Variants in SOX6 observed in about 807,000 individuals in gnomAD.
SOX6 encodes SRY-box transcription factor 6.
In SOX6, 11 loss-of-function variants were observed where a neutral mutation model predicts 97.8. That is an observed-to-expected ratio of 0.11 (90% CI 0.07 to 0.19). SOX6 has a LOEUF of 0.19. Ranked by LOEUF, SOX6 falls within the 10% of genes least tolerant of loss-of-function variation. SOX6 has a pLI of 1.00. For missense variants in SOX6, 810 were observed against 1,039.5 expected (o/e 0.78, Z 3.04); for synonymous variants, 360 against 371.4 (o/e 0.97, Z 0.35).
chr11:16,710,437 C>G lies in SOX6; in HGVS notation n.429+4393G>C, dbSNP rs7123995. On this transcript the variant is annotated intron_variant and non_coding_transcript_variant, in intron 3 of 5. Coordinates refer to the SOX6 transcript ENST00000524520. ...TAAGTGGACGAGCCAGAACTCAAAT[C>G]AAACATTGCCAAGTCCAATGGCCAT... Among the ~76,000 whole-genome samples the G allele has an allele frequency of 3.6e-3, 544 of 152,318 alleles. 4 individuals carry two copies. The highest frequency in any genetic ancestry group is 0.012 in the African/African-American group (514 of 41,568).
chr11:16,462,022 T>C (rs1859940770), intron 1 of SOX6, among the ~76,000 whole-genome samples: 1 of 152,224 alleles, frequency 6.6e-6, no homozygotes, highest in Admixed American at 6.5e-5. Context: ...CAGTAATTAG[T>C]ATATACTTGT....
chr11:16,336,787 A>C (rs1856474974), intron 2 of SOX6, among the ~76,000 whole-genome samples: 1 of 152,134 alleles, frequency 6.6e-6, no homozygotes, highest in Non-Finnish European at 1.5e-5. Context: ...CTGCCTCACC[A>C]GCCACTCTGT....
At chr11:16,363,844 TCA>T (rs1211795501) in intron 1 of SOX6, among the ~76,000 whole-genome samples, 1 of 151,762 alleles carries the variant, frequency 6.6e-6, no homozygotes, top group East Asian at 1.9e-4. Context: ...CTCTAGCCTC[TCA>T]CTTTTCAGAT....
intron 6 of SOX6, among the ~76,000 whole-genome samples, chr11:16,134,922 T>C (rs1250634482): frequency 2.0e-5 from 3 of 152,218 alleles, no homozygotes. Flanking sequence ...AGTCAATGCC[T>C]GGCTTCAACA....
chr11:16,498,887 T>G (rs1248016331), intron 4 of SOX6, among the ~76,000 whole-genome samples: 3 of 152,102 alleles, frequency 2.0e-5, no homozygotes, highest in Non-Finnish European at 4.4e-5. Context: ...ACTGTCAACA[T>G]TAGACAGATC....
At chr11:16,306,692 C>A (rs1263608086) in intron 3 of SOX6, among the ~76,000 whole-genome samples, 1 of 140,362 alleles carries the variant, frequency 7.1e-6, no homozygotes, top group African/African-American at 2.6e-5. Context: ...GTGGCACGAT[C>A]TTGGTTCACT....
intron 3 of SOX6, among the ~76,000 whole-genome samples, chr11:16,669,380 G>A (rs1239890416): frequency 6.6e-6 from 1 of 152,168 alleles, no homozygotes; most frequent in East Asian, 1.9e-4. Flanking sequence ...TGGAGCCAAG[G>A]GAACCTCCCC....
At chr11:16,345,509 G>A (rs1196133687) in intron 1 of SOX6, among the ~76,000 whole-genome samples, 4 of 151,908 alleles carry the variant, frequency 2.6e-5, no homozygotes, top group South Asian at 4.2e-4. Context: ...AAGTCAGTAC[G>A]AACACCTCTA....
At chr11:16,642,789 A>G (rs1408263225) in intron 3 of SOX6, among the ~76,000 whole-genome samples, 1 of 152,084 alleles carries the variant, frequency 6.6e-6, no homozygotes, top group Non-Finnish European at 1.5e-5. Flanking sequence ...GCTTCTCTAC[A>G]TTGGTTATTC....
intron 4 of SOX6, 36 bp from the exon 5 acceptor site, chr11:16,186,991 A>C (rs1228226796): frequency 6.2e-7 from 1 of 1,611,976 alleles, no homozygotes; most frequent in African/African-American, 1.3e-5. Flanking sequence ...CACAAGCTTG[A>C]GAAATACCTG....
At chr11:15,974,172 C>T (rs894997790) in intron 15 of SOX6, among the ~76,000 whole-genome samples, 3 of 151,966 alleles carry the variant, frequency 2.0e-5, no homozygotes, top group South Asian at 2.1e-4. Context: ...TTATACAAGC[C>T]GGGGTCAGGG....
chr11:16,712,557 A>G (rs1329371612), intron 3 of SOX6, among the ~76,000 whole-genome samples: 1 of 152,052 alleles, frequency 6.6e-6, no homozygotes, highest in Non-Finnish European at 1.5e-5. Flanking sequence ...TCTTTTGAGA[A>G]TTGTCTATTC....
intron 1 of SOX6, among the ~76,000 whole-genome samples, chr11:16,367,489 T>C (rs1857388405): frequency 6.6e-6 from 1 of 152,142 alleles, no homozygotes; most frequent in Non-Finnish European, 1.5e-5. Context: ...TTTTCTCCCT[T>C]GGGGCTTAAA....
At chr11:16,698,026 T>C (rs1392424925) in intron 3 of SOX6, among the ~76,000 whole-genome samples, 1 of 152,218 alleles carries the variant, frequency 6.6e-6, no homozygotes, top group Non-Finnish European at 1.5e-5. Flanking sequence ...TAAATGAGCA[T>C]TGGCTTCAAC....
intron 4 of SOX6, among the ~76,000 whole-genome samples, chr11:16,573,628 A>G (rs1229173288): frequency 6.6e-6 from 1 of 152,162 alleles, no homozygotes; most frequent in Non-Finnish European, 1.5e-5. Context: ...AATAGTGGGG[A>G]AAAAACGAAA....
chr11:16,141,566 C>T (rs1450925779), intron 6 of SOX6, among the ~76,000 whole-genome samples: 1 of 152,154 alleles, frequency 6.6e-6, no homozygotes, highest in East Asian at 1.9e-4. Flanking sequence ...CATGGCAAGG[C>T]ATCACCTCAC....
chr11:16,043,935 C>A (rs1855752395), intron 12 of SOX6, among the ~76,000 whole-genome samples: 1 of 152,156 alleles, frequency 6.6e-6, no homozygotes, highest in Admixed American at 6.5e-5. Context: ...CTCACCCCAA[C>A]TTAGGACAAT....
At position 16,633,982 on chromosome 11, in the gene SOX6, T is replaced by G. The variant is rs1360717564; in HGVS notation, n.430-21722A>C. Among the ~76,000 whole-genome samples, 8 of 152,344 alleles carry G rather than the reference T, an allele frequency of 5.3e-5. No homozygotes were observed. The East Asian group carries it at 1.5e-3, about 29-fold the overall frequency. ...TGATCAAGATTCAATCTACAATTTC[T>G]TGACATGAAGAATCAGGAAAATGTG... On this transcript the variant is annotated intron_variant and non_coding_transcript_variant, in intron 3 of 5. Coordinates refer to the SOX6 transcript ENST00000524520.
chr11:16,101,384 A>T (rs557787725), intron 7 of SOX6, among the ~76,000 whole-genome samples: 1 of 151,670 alleles, frequency 6.6e-6, no homozygotes, highest in Non-Finnish European at 1.5e-5. Context: ...TATTGTTGAG[A>T]TCACTATGTT....
Sources: gnomAD v4.1 joint callset for allele counts (sites outside exome capture counted in the v4.1 genomes callset) on GRCh38, gnomAD v4.1.1 for gene constraint, MANE v1.5 for transcripts, NCBI Gene and HGNC (gene_info 2026-07-23, HGNC 2026-07-21) for gene names.